The following EIF2B3 variants were observed in gnomAD, a reference collection of about 807,000 sequenced individuals.
The protein encoded by EIF2B3 is translation initiation factor eIF2B subunit gamma.
In EIF2B3, 20 loss-of-function variants were observed where a neutral mutation model predicts 54.1. The ratio of observed to expected loss-of-function variants is 0.37; its 90% CI spans 0.26 to 0.54. The LOEUF is 0.54. EIF2B3 is among the 20% of genes least tolerant of loss of function. EIF2B3 has a pLI of 0.86. For synonymous variants in EIF2B3, 153 were observed against 188.1 expected (o/e 0.81, Z 1.52); for missense variants, 448 against 547.8 (o/e 0.82, Z 1.82).
At chr1:44,908,622 G>A (rs116419930) in intron 5 of EIF2B3, among the ~76,000 whole-genome samples, 218 of 152,292 alleles carry the variant, frequency 1.4e-3, no homozygotes, top group Middle Eastern at 0.01. Flanking sequence ...AAGGCTGGAG[G>A]GGTAAGCATG....
intron 5 of EIF2B3, among the ~76,000 whole-genome samples, chr1:44,922,012 T>C (rs1396203599): frequency 3.3e-5 from 5 of 151,592 alleles, no homozygotes; most frequent in African/African-American, 1.2e-4. Flanking sequence ...TCTCATGTGA[T>C]ACTCCTGCCT....
chr1:44,923,615 G>C (rs749042692), intron 5 of EIF2B3, among the ~76,000 whole-genome samples: 12 of 150,266 alleles, frequency 8.0e-5, no homozygotes, highest in Admixed American at 2.0e-4. Context: ...TTTATCCTCA[G>C]AAAATTTTAA....
At chr1:44,882,506 G>A (rs568474129) in intron 6 of EIF2B3, among the ~76,000 whole-genome samples, 10 of 151,416 alleles carry the variant, frequency 6.6e-5, no homozygotes, top group East Asian at 1.9e-4. Flanking sequence ...ACAGTGGTGC[G>A]ATCTCAGCTC....
At chr1:44,853,643 G>C (rs1654346759) in intron 11 of EIF2B3, among the ~76,000 whole-genome samples, 1 of 152,064 alleles carries the variant, frequency 6.6e-6, no homozygotes, top group South Asian at 2.1e-4. Flanking sequence ...AGTGATGCTT[G>C]GTCAGGGATG....
chr1:44,911,395 G>A lies in EIF2B3; in HGVS notation c.567-13951C>T, dbSNP rs190751935. Among the ~76,000 whole-genome samples, 14 of 152,306 alleles carry A rather than the reference G, an allele frequency of 9.2e-5. No homozygotes were observed. In the East Asian group the frequency reaches 2.3e-3, roughly 25 times the overall value. ...GTCTTAGGAAACTGATAGAAGATCT[G>A]CTCTCAATGACCCCAGTGCTTAGTC... On this transcript the variant is annotated intron_variant, in intron 5 of 11. Coordinates refer to ENST00000360403, the MANE Select transcript of EIF2B3 (RefSeq NM_020365.5).
At position 44,897,404 on chromosome 1, in the gene EIF2B3, G is replaced by T; in HGVS notation, c.607C>A (p.His203Asn). The T allele has an allele frequency of 6.2e-7, 1 of 1,613,404 alleles. No homozygotes were observed. Among genetic ancestry groups the T allele is most frequent in the Non-Finnish European group, 8.5e-7 (1 of 1,179,812 alleles). The change falls in exon 6 of 12, where the codon CAC (histidine) becomes AAC (asparagine). Residue 203 changes from histidine to asparagine, a missense_variant. This residue lies in a region of EIF2B3 where 350 missense variants were observed against 414.2 expected (regional missense o/e 0.85). Transcript: ENST00000360403. ...IRFHTGLVDAHLYCLKKYIVD... is the reference protein window; with the variant it reads ...IRFHTGLVDANLYCLKKYIVD... ...ATGTATTTTTTCAAACAGTAGAGGT[G>T]GGCATCCACAAGACCCGTGTGGAAA...
At chr1:44,868,397 C>CAAAAAAAA (rs34094245) in intron 10 of EIF2B3, among the ~76,000 whole-genome samples, 2 of 65,434 alleles carry the variant, frequency 3.1e-5, no homozygotes, top group Non-Finnish European at 5.9e-5. Context: ...GACTCCGTCT[C>CAAAAAAAA]AAAAAAAAAA....
chr1:44,963,237 A>C (rs1644303693), intron 3 of EIF2B3, among the ~76,000 whole-genome samples: 1 of 151,720 alleles, frequency 6.6e-6, no homozygotes, highest in African/African-American at 2.4e-5. Flanking sequence ...AAAACAAAAA[A>C]AACAAAACAA....
rs1570430 is a variant in EIF2B3 at position 44,857,931 on chromosome 1, G to A, written c.1203-124C>T. On this transcript the variant is annotated intron_variant, in intron 10 of 11. Coordinates refer to ENST00000360403, the MANE Select transcript of EIF2B3 (RefSeq NM_020365.5). Reference sequence around the variant, plus strand: ...GCTGGGCAGTCCAGTTAATGGCTACGTGCCTCAAGTTATCAGTGGAAGACA... The same window carrying A: ...GCTGGGCAGTCCAGTTAATGGCTACATGCCTCAAGTTATCAGTGGAAGACA... 3,004 of 844,434 alleles carry A rather than the reference G, an allele frequency of 3.6e-3. 106 individuals carry two copies. In the East Asian group the frequency reaches 0.069, roughly 19 times the overall value. The allele number at this position is 844,434 out of a possible 1,614,324, so 52.3% of individuals were successfully genotyped here.
At chr1:44,853,400 A>T (rs1654338811) in intron 11 of EIF2B3, among the ~76,000 whole-genome samples, 1 of 152,050 alleles carries the variant, frequency 6.6e-6, no homozygotes, top group Non-Finnish European at 1.5e-5. Flanking sequence ...GCCCCAGCCC[A>T]GGAGTTTGAG....
intron 3 of EIF2B3, among the ~76,000 whole-genome samples, chr1:44,971,980 C>T (rs1323547162): frequency 6.6e-6 from 1 of 151,778 alleles, no homozygotes; most frequent in Non-Finnish European, 1.5e-5. Flanking sequence ...TGCAGTAAGC[C>T]GAGATTGCAC....
At chr1:44,965,084 C>T (rs1320457739) in intron 3 of EIF2B3, among the ~76,000 whole-genome samples, 1 of 152,186 alleles carries the variant, frequency 6.6e-6, no homozygotes, top group African/African-American at 2.4e-5. Context: ...TACTTAACAA[C>T]ACTTCTTGTT....
At chr1:44,903,122 C>G (rs75157613) in intron 5 of EIF2B3, among the ~76,000 whole-genome samples, 2 of 152,190 alleles carry the variant, frequency 1.3e-5, no homozygotes, top group Non-Finnish European at 2.9e-5. Flanking sequence ...TTAAAGAAAG[C>G]TGAACACAAA....
At chr1:44,927,266 T>C (rs1643863976) in intron 4 of EIF2B3, among the ~76,000 whole-genome samples, 1 of 152,160 alleles carries the variant, frequency 6.6e-6, no homozygotes, top group South Asian at 2.1e-4. Flanking sequence ...AATTGTCTCA[T>C]GGTTCTGCAG....
intron 3 of EIF2B3, among the ~76,000 whole-genome samples, chr1:44,958,040 A>G (rs1644246297): frequency 6.6e-6 from 1 of 152,214 alleles, no homozygotes; most frequent in African/African-American, 2.4e-5. Context: ...ATTGGAAGCT[A>G]CCTAAAAACC....
chr1:44,915,417 T>C (rs1165566370), intron 5 of EIF2B3, among the ~76,000 whole-genome samples: 1 of 151,996 alleles, frequency 6.6e-6, no homozygotes, highest in Non-Finnish European at 1.5e-5. Flanking sequence ...GTAATTCCTC[T>C]CAAGAATGAT....
chr1:44,877,192 TAAAAAAAAA>T (rs768263508), intron 8 of EIF2B3, among the ~76,000 whole-genome samples: 15 of 52,082 alleles, frequency 2.9e-4, no homozygotes, highest in East Asian at 2.8e-3. Context: ...GAATGATCAA[TAAAAAAAAA>T]AAAAAAAAAA....
chr1:44,860,256 C>A (rs1654567706), intron 10 of EIF2B3, among the ~76,000 whole-genome samples: 1 of 151,302 alleles, frequency 6.6e-6, no homozygotes, highest in African/African-American at 2.4e-5. Flanking sequence ...CTCAAGTGAT[C>A]CTCCTGCTTC....
intron 5 of EIF2B3, among the ~76,000 whole-genome samples, chr1:44,911,221 T>C (rs1304273778): frequency 6.6e-6 from 1 of 152,044 alleles, no homozygotes; most frequent in African/African-American, 2.4e-5. Flanking sequence ...CCCCAGAGGG[T>C]CATAGGAATG....
Sources: gnomAD v4.1 joint callset for allele counts (sites outside exome capture counted in the v4.1 genomes callset) on GRCh38, gnomAD v4.1.1 for gene constraint, gnomAD v4.1.1 regional missense constraint, MANE v1.5 for transcripts, NCBI Gene and HGNC (gene_info 2026-07-23, HGNC 2026-07-21) for gene names.